The following BSPH1 variants were observed in gnomAD, a reference collection of about 807,000 sequenced individuals.
BSPH1 encodes binder of sperm protein homolog 1, also known as binder of sperm 1.
In BSPH1, 21 loss-of-function variants were observed where a neutral mutation model predicts 22.5. The ratio of observed to expected loss-of-function variants is 0.93; its 90% confidence interval spans 0.66 to 1.35. The LOEUF is 1.35. BSPH1 is among the 40% of genes most tolerant of loss of function. The probability of loss-of-function intolerance (pLI) is 0.00; values close to 1 mark genes in which losing one functional copy is unlikely to be tolerated. For missense variants in BSPH1, 141 were observed against 154.2 expected (o/e 0.91, Z 0.45); for synonymous variants, 42 against 53.6 (o/e 0.78, Z 0.95).
downstream of BSPH1, among the ~76,000 whole-genome samples, chr19:47,967,567 C>G (rs1969270557): frequency 6.6e-6 from 1 of 152,182 alleles, no homozygotes; most frequent in South Asian, 2.1e-4. Context: ...CTCACAAGGG[C>G]TCCCCTCTGT....
chr19:47,972,347 G>T (rs1456320076), intron 5 of BSPH1, among the ~76,000 whole-genome samples: 2 of 143,598 alleles, frequency 1.4e-5, no homozygotes, highest in African/African-American at 5.2e-5. Context: ...CAGGTAAATT[G>T]TGTGTCACAG....
At chr19:47,980,102 C>G (rs1969404509) in intron 2 of BSPH1, among the ~76,000 whole-genome samples, 1 of 151,976 alleles carries the variant, frequency 6.6e-6, no homozygotes, top group Non-Finnish European at 1.5e-5. Context: ...ATGTTAGAAC[C>G]TAAAATAGTG....
At chr19:47,971,038 G>A (rs1969306603) in intron 5 of BSPH1, among the ~76,000 whole-genome samples, 1 of 152,070 alleles carries the variant, frequency 6.6e-6, no homozygotes, top group Non-Finnish European at 1.5e-5. Flanking sequence ...GAAAAATATG[G>A]TGGTGGCACC....
intron 5 of BSPH1, among the ~76,000 whole-genome samples, chr19:47,974,227 C>T (rs1315288334): frequency 6.6e-6 from 1 of 150,792 alleles, no homozygotes; most frequent in Admixed American, 6.6e-5. Context: ...CCCTTGGCTC[C>T]CATGGATTGG....
intron 5 of BSPH1, among the ~76,000 whole-genome samples, chr19:47,973,168 G>A (rs1969326843): frequency 6.6e-6 from 1 of 151,072 alleles, no homozygotes; most frequent in African/African-American, 2.4e-5. Context: ...AGTGAGCCGA[G>A]ATCGCGCCAC....
At chr19:47,967,822 A>G (rs948862230), downstream of BSPH1, among the ~76,000 whole-genome samples, 3 of 152,176 alleles carry the variant, frequency 2.0e-5, no homozygotes, top group African/African-American at 7.2e-5. Context: ...TATTGTTTGA[A>G]CATTACAGCC....
intron 1 of BSPH1, among the ~76,000 whole-genome samples, chr19:47,987,659 T>A (rs8111490): frequency 0.043 from 6,589 of 152,170 alleles, 317 homozygotes; most frequent in East Asian, 0.14. Context: ...TGGCCAGAGC[T>A]TGTCTTTACT....
At chr19:47,971,469 GT>G (rs1748777385) in intron 5 of BSPH1, among the ~76,000 whole-genome samples, 3 of 152,232 alleles carry the variant, frequency 2.0e-5, no homozygotes, top group East Asian at 1.9e-4. Context: ...GCCTCCCAAA[GT>G]GCTGGGATGA....
At chr19:47,969,902 G>C (rs1164839072) in intron 5 of BSPH1, among the ~76,000 whole-genome samples, 1 of 151,692 alleles carries the variant, frequency 6.6e-6, no homozygotes, top group Admixed American at 6.6e-5. Context: ...GTGAGAGAGA[G>C]ACTTTAGAAT....
intron 1 of BSPH1, among the ~76,000 whole-genome samples, chr19:47,984,034 A>T (rs1969444797): frequency 1.3e-5 from 2 of 151,550 alleles, no homozygotes; most frequent in South Asian, 4.2e-4. Context: ...TTTAGTAGAG[A>T]CAGGGTTTTG....
intron 1 of BSPH1, chr19:47,981,799 T>C: frequency 3.3e-6 from 3 of 919,492 alleles, no homozygotes; most frequent in Non-Finnish European, 3.9e-6. Context: ...AGCAGCATTT[T>C]TCAACCATTG....
At chr19:47,978,257 A>C (rs1969386882) in intron 3 of BSPH1, among the ~76,000 whole-genome samples, 2 of 151,824 alleles carry the variant, frequency 1.3e-5, no homozygotes, top group South Asian at 4.2e-4. Flanking sequence ...GGTGCGTGCT[A>C]CCATGCCCAG....
chr19:47,979,439 G>A, intron 3 of BSPH1, 131 bp downstream of exon 3: 1 of 533,550 alleles, frequency 1.9e-6, no homozygotes. Context: ...CTGTTTATGA[G>A]GCACTTATGT....
intron 5 of BSPH1, among the ~76,000 whole-genome samples, chr19:47,972,838 TGTATACC>T (rs1969322452): frequency 6.6e-6 from 1 of 151,888 alleles, no homozygotes; most frequent in Non-Finnish European, 1.5e-5. Flanking sequence ...TGTGTGTGTG[TGTATACC>T]CACACACACA....
chr19:47,982,001 T>C (rs1969424674), intron 1 of BSPH1, among the ~76,000 whole-genome samples: 1 of 152,184 alleles, frequency 6.6e-6, no homozygotes, highest in Non-Finnish European at 1.5e-5. Context: ...TTAAGAACAG[T>C]CATAACTTTA....
At chr19:47,967,920 A>T (rs1423530347), downstream of BSPH1, 1 of 152,202 alleles carries the variant, frequency 6.6e-6, no homozygotes, top group Non-Finnish European at 1.5e-5. Flanking sequence ...TCCTGTGGCC[A>T]CCATGTTGGT....
In BSPH1 at chr19:47,985,035, C is replaced by G. The variant is rs550470969; in HGVS notation, c.74-4094G>C. Among the ~76,000 whole-genome samples the G allele has an allele frequency of 9.9e-4, 147 of 149,176 alleles. 1 individual carries two copies. Among genetic ancestry groups the G allele is most frequent in the African/African-American group, 3.6e-3 (144 of 40,196 alleles). ...TGAGCCAAGATCGCACCACTGCACT[C>G]CAGTCTGGGCAATACAAGACTCTGT... On this transcript the variant is annotated intron_variant, in intron 1 of 5. Coordinates refer to ENST00000344839, the MANE Select transcript of BSPH1 (RefSeq NM_001128326.2).
At chr19:47,980,526 T>A (rs1197127595) in intron 2 of BSPH1, 1 of 184,324 alleles carries the variant, frequency 5.4e-6, no homozygotes. Context: ...TGGAGTGCAG[T>A]GGCGTGATCT....
chr19:47,991,183 A>T (rs1969519165), intron 1 of BSPH1, among the ~76,000 whole-genome samples: 1 of 152,036 alleles, frequency 6.6e-6, no homozygotes, highest in Non-Finnish European at 1.5e-5. Flanking sequence ...TTCTTCCAGA[A>T]CGTTAAATAC....
Sources: allele counts gnomAD v4.1 joint callset (sites outside exome capture counted in the v4.1 genomes callset), GRCh38; gene constraint gnomAD v4.1.1; transcripts MANE v1.5; gene names NCBI Gene and HGNC (gene_info 2026-07-23, HGNC 2026-07-21).